OPCML: variants seen among roughly 807,000 people sequenced by gnomAD.
OPCML encodes the protein opioid-binding protein/cell adhesion molecule.
A neutral mutation model predicts 37.8 loss-of-function variants in OPCML; 13 were observed. The ratio of observed to expected loss-of-function variants is 0.34; its 90% CI spans 0.22 to 0.55. The LOEUF (loss-of-function observed/expected upper bound fraction) is 0.55, where lower values mean the gene tolerates loss of function less well. OPCML is among the 20% of genes least tolerant of loss of function. The pLI, the probability that OPCML is intolerant of heterozygous loss-of-function variation, is 0.91. For synonymous variants in OPCML, 176 were observed against 168.8 expected (o/e 1.04, Z -0.33); for missense variants, 341 against 435.6 (o/e 0.78, Z 1.93).
intron 2 of OPCML, among the ~76,000 whole-genome samples, chr11:132,760,597 T>A (rs1476538424): frequency 6.6e-6 from 1 of 151,926 alleles, no homozygotes; most frequent in Non-Finnish European, 1.5e-5. Flanking sequence ...TTTAAAGTCT[T>A]TTTTATCAGA....
intron 1 of OPCML, among the ~76,000 whole-genome samples, chr11:133,340,604 CTCTCTGTGTG>C (rs1201302942): frequency 2.8e-5 from 3 of 105,998 alleles, no homozygotes; most frequent in African/African-American, 8.7e-5. Flanking sequence ...AATTAAGACT[CTCTCTGTGTG>C]TGTGTGTGTG....
At chr11:132,788,978 G>A (rs1305179418) in intron 2 of OPCML, among the ~76,000 whole-genome samples, 1 of 152,146 alleles carries the variant, frequency 6.6e-6, no homozygotes, top group African/African-American at 2.4e-5. Flanking sequence ...TTCCTCTCTA[G>A]TATCAGCTTC....
chr11:132,892,764 T>C (rs1943701694), intron 2 of OPCML, among the ~76,000 whole-genome samples: 1 of 151,996 alleles, frequency 6.6e-6, no homozygotes, highest in South Asian at 2.1e-4. Context: ...CAAGACTCCA[T>C]CTCAAAAGTA....
At chr11:132,902,173 T>C (rs546321181) in intron 2 of OPCML, among the ~76,000 whole-genome samples, 1 of 152,212 alleles carries the variant, frequency 6.6e-6, no homozygotes, top group African/African-American at 2.4e-5. Flanking sequence ...TATAGCTGGT[T>C]GGAGCTTTCC....
chr11:132,516,066 TA>T (rs111467815), intron 4 of OPCML, among the ~76,000 whole-genome samples: 3,539 of 152,032 alleles, frequency 0.023, 128 homozygotes, highest in African/African-American at 0.07. Context: ...AGGTCTCCAG[TA>T]AAAAAAAGTG....
chr11:132,919,261 T>C (rs1045424600), intron 2 of OPCML, among the ~76,000 whole-genome samples: 4 of 152,166 alleles, frequency 2.6e-5, no homozygotes, highest in African/African-American at 9.7e-5. Flanking sequence ...AGGCATGTTC[T>C]AAGACAGTGG....
intron 3 of OPCML, among the ~76,000 whole-genome samples, chr11:132,630,918 A>G (rs1344980389): frequency 2.6e-5 from 4 of 152,222 alleles, no homozygotes; most frequent in African/African-American, 4.8e-5. Flanking sequence ...TATTCATATA[A>G]TAAAATACTA....
chr11:132,619,461 G>A (rs1007414180), intron 3 of OPCML, among the ~76,000 whole-genome samples: 1 of 152,046 alleles, frequency 6.6e-6, no homozygotes. Flanking sequence ...ATGAACAGCT[G>A]AATGCTAGTG....
At chr11:133,256,474 A>T (rs1211288242) in intron 1 of OPCML, among the ~76,000 whole-genome samples, 1 of 152,226 alleles carries the variant, frequency 6.6e-6, no homozygotes, top group South Asian at 2.1e-4. Context: ...AATGTACCAT[A>T]ACCTTTGCTA....
intron 1 of OPCML, among the ~76,000 whole-genome samples, chr11:133,141,894 C>T (rs1949829092): frequency 6.6e-6 from 1 of 152,202 alleles, no homozygotes; most frequent in African/African-American, 2.4e-5. Context: ...CACGCTCTGT[C>T]TCATCCATCT....
chr11:132,711,064 C>T (rs555618368), intron 2 of OPCML, among the ~76,000 whole-genome samples: 55 of 152,202 alleles, frequency 3.6e-4, no homozygotes, highest in Non-Finnish European at 5.1e-4. Flanking sequence ...GTGACAGAGA[C>T]GTGGTGGGTG....
At chr11:133,477,799 A>T (rs1387230079) in intron 1 of OPCML, among the ~76,000 whole-genome samples, 2 of 152,134 alleles carry the variant, frequency 1.3e-5, no homozygotes, top group African/African-American at 4.8e-5. Context: ...GAATAACCAA[A>T]CTATGTACAA....
chr11:132,742,636 GA>G (rs1945468711), intron 2 of OPCML, among the ~76,000 whole-genome samples: 2 of 151,620 alleles, frequency 1.3e-5, no homozygotes, highest in Non-Finnish European at 2.9e-5. Context: ...TGCCAACCAA[GA>G]CACTACTAAT....
intron 2 of OPCML, among the ~76,000 whole-genome samples, chr11:132,827,981 C>A (rs1382265743): frequency 6.6e-6 from 1 of 152,096 alleles, no homozygotes; most frequent in African/African-American, 2.4e-5. Context: ...CCCAAACTCG[C>A]AAACAACCAA....
intron 2 of OPCML, among the ~76,000 whole-genome samples, chr11:132,895,243 G>A (rs921709161): frequency 6.6e-6 from 1 of 152,136 alleles, no homozygotes; most frequent in Non-Finnish European, 1.5e-5. Context: ...CAAGAAACTT[G>A]GTGACTTCTA....
At chr11:133,393,524 C>T (rs776566022) in intron 1 of OPCML, among the ~76,000 whole-genome samples, 16 of 152,134 alleles carry the variant, frequency 1.1e-4, no homozygotes, top group Non-Finnish European at 1.8e-4. Context: ...AGCCTCATTA[C>T]TCTCCTTTAT....
chr11:132,957,547 G>A (rs942217873), intron 1 of OPCML, among the ~76,000 whole-genome samples: 3 of 152,012 alleles, frequency 2.0e-5, no homozygotes, highest in African/African-American at 7.3e-5. Flanking sequence ...GTGTGTACAG[G>A]CACACCTTGT....
At chr11:132,639,826 A>T (rs910827702) in intron 3 of OPCML, among the ~76,000 whole-genome samples, 1 of 152,188 alleles carries the variant, frequency 6.6e-6, no homozygotes, top group African/African-American at 2.4e-5. Flanking sequence ...TCCTATAAAT[A>T]AGCAAGTCAC....
At chr11:133,038,389 G>A (rs537548659) in intron 1 of OPCML, among the ~76,000 whole-genome samples, 1 of 152,296 alleles carries the variant, frequency 6.6e-6, no homozygotes, top group Admixed American at 6.5e-5. Context: ...ATAAAATGTG[G>A]GAAAAGTAAT....
Sources: gnomAD v4.1 joint callset for allele counts (sites outside exome capture counted in the v4.1 genomes callset) on GRCh38, gnomAD v4.1.1 for gene constraint, MANE v1.5 for transcripts, NCBI Gene and HGNC (gene_info 2026-07-23, HGNC 2026-07-21) for gene names.